LIG1: variants seen among roughly 807,000 people sequenced by gnomAD.
LIG1 encodes DNA ligase 1.
LIG1 carries 70 observed loss-of-function variants against 115.7 expected under a neutral mutation model. The observed-to-expected ratio is 0.60, with a 90% CI of 0.50 to 0.74. The LOEUF (loss-of-function observed/expected upper bound fraction) is 0.74. Among genes scored for constraint, LIG1 ranks in the 30% least tolerant of loss-of-function variants. The pLI is 0.00. For synonymous variants in LIG1, 487 were observed against 495.3 expected, an observed-to-expected ratio of 0.98 and a Z score of 0.22; for missense variants, 1,115 against 1,225.6, an observed-to-expected ratio of 0.91 and a Z score of 1.35.
At chr19:48,143,478 C>T (rs2034907684) in intron 11 of LIG1, 65 bp downstream of exon 11, 3 of 1,159,518 alleles carry the variant, frequency 2.6e-6, no homozygotes, top group African/African-American at 1.5e-5. Flanking sequence ...GCAGCACAGA[C>T]CGCCATGCAG....
At chr19:48,162,433 C>CTTT (rs781263098) in intron 2 of LIG1, 82 bp from the exon 3 acceptor site, 560 of 631,016 alleles carry the variant, frequency 8.9e-4, no homozygotes, top group Middle Eastern at 1.5e-3. Flanking sequence ...CTATAACTTC[C>CTTT]TTTTTTTTTT....
At chr19:48,128,537 C>T (rs1340162948) in intron 19 of LIG1, among the ~76,000 whole-genome samples, 2 of 152,254 alleles carry the variant, frequency 1.3e-5, no homozygotes, top group East Asian at 3.8e-4. Context: ...CCCCCTGAGC[C>T]TCTCTTCACC....
chr19:48,149,080 T>C (rs1260356814), intron 9 of LIG1, among the ~76,000 whole-genome samples: 1 of 152,048 alleles, frequency 6.6e-6, no homozygotes, highest in African/African-American at 2.4e-5. Flanking sequence ...GAGGCCGAGG[T>C]GGGTGGGTCA....
chr19:48,127,817 C>A, intron 20 of LIG1, 93 bp downstream of exon 20: 1 of 1,024,872 alleles, frequency 9.8e-7, no homozygotes, highest in Admixed American at 1.7e-5. Flanking sequence ...TGACACTCTG[C>A]CCTTCTGGGC....
chr19:48,158,263 T>A (rs147354911), intron 4 of LIG1, among the ~76,000 whole-genome samples: 5 of 152,298 alleles, frequency 3.3e-5, no homozygotes, highest in African/African-American at 1.2e-4. Flanking sequence ...TCAAATAACA[T>A]CCACTTAATG....
At chr19:48,130,151 A>G (rs183343530) in intron 19 of LIG1, among the ~76,000 whole-genome samples, 270 of 152,368 alleles carry the variant, frequency 1.8e-3, no homozygotes, top group Non-Finnish European at 4.6e-4. Context: ...CTCATCAAAC[A>G]GCATAGTGCA....
Position 48,162,933 on chromosome 19 carries a change from T to C in LIG1, c.18-582A>G, listed in dbSNP as rs554426659. Among the ~76,000 whole-genome samples the C allele has an allele frequency of 2.7e-5, 4 of 150,920 alleles. No homozygotes were observed. In the East Asian group the frequency reaches 7.9e-4, roughly 30 times the overall value. The stretch of plus-strand genomic sequence containing the variant: ...ATGCACTTTTTAAATCTTTTTTTTT[T>C]AGACAGACTCTCGCTCTGTTGCCCA... On this transcript the variant is annotated intron_variant, in intron 2 of 27. Coordinates refer to ENST00000263274, the MANE Select transcript of LIG1 (RefSeq NM_000234.3).
chr19:48,158,142 T>C (rs184534031), intron 4 of LIG1, among the ~76,000 whole-genome samples: 16 of 152,336 alleles, frequency 1.1e-4, no homozygotes, highest in African/African-American at 2.9e-4. Context: ...CTATACTTCT[T>C]GTATAGCCTG....
chr19:48,115,667 G>T lies in LIG1; in HGVS notation c.2742C>A (p.Asp914Glu), dbSNP rs1467122044. The T allele has an allele frequency of 6.2e-7, 1 of 1,613,740 alleles. No homozygotes were observed. The highest frequency in any genetic ancestry group is 1.3e-5 in the African/African-American group (1 of 74,934). The change falls in exon 28 of 28, where the codon GAC becomes GAA. Residue 914 changes from aspartate to glutamate, a missense_variant. By Grantham distance (45) the Asp-to-Glu change is conservative. Transcript: ENST00000263274. ...CGAGGGCTTAGTAGGTATCTTCAGG[G>T]TCAGAGCCTGAGTCCTCGCCTTGTT... Reference protein sequence around the residue: ...QNQQGEDSGSDPEDTY With the variant: ...QNQQGEDSGSEPEDTY
intron 24 of LIG1, chr19:48,120,189 A>C (rs1355341254): frequency 5.1e-6 from 5 of 985,368 alleles, no homozygotes; most frequent in Non-Finnish European, 6.0e-6. Context: ...AGCCGGCAAC[A>C]ACTTCCCCAC....
Position 48,136,046 on chromosome 19 carries a change from G to A in LIG1, c.1411C>T (p.Pro471Ser). Residue 471 changes from proline (P) to serine (S), a missense_variant, in exon 15 of 28, where the codon CCC becomes TCC. By Grantham distance (74) the Pro-to-Ser change is moderately conservative (BLOSUM62 -1). Transcript: ENST00000263274. ...CACAGGAGCTCACCTTGGCCCGGGG[G>A]CGTGAGGCTCACTGCCTGGGAGAGG... ...AALSQAVSLT[P>S]PGQEFPPAMV... is the part of the protein sequence containing the mutation. 3 of 1,565,922 alleles carry A rather than the reference G, an allele frequency of 1.9e-6. No individual in the cohort carries two copies. Among genetic ancestry groups the A allele is most frequent in the Non-Finnish European group, 2.6e-6 (3 of 1,155,936 alleles).
chr19:48,120,908 T>C, intron 24 of LIG1: 1 of 1,296,496 alleles, frequency 7.7e-7, no homozygotes, highest in Non-Finnish European at 9.8e-7. Context: ...AAAATTCTTT[T>C]CTTATGTGAG....
At chr19:48,153,344 G>A (rs563451779) in intron 6 of LIG1, among the ~76,000 whole-genome samples, 1 of 152,106 alleles carries the variant, frequency 6.6e-6, no homozygotes, top group East Asian at 1.9e-4. Context: ...CAAGGGTGCT[G>A]TGAACTAAGA....
intron 24 of LIG1, chr19:48,120,957 A>G (rs1258516400): frequency 7.0e-7 from 1 of 1,434,632 alleles, no homozygotes; most frequent in Non-Finnish European, 9.1e-7. Context: ...TCTCACTGAC[A>G]CACATTCCTG....
Position 48,117,779 on chromosome 19 carries a change from C to G in LIG1, c.2442G>C (p.Ala814=), listed in dbSNP as rs13436. ...AAGGGCGTGGGCTGGGCAGCACCAGCGCCTGCAGTGAGCAGAGGAAGAGAG... is the reference window on the plus strand; with the variant it reads ...AAGGGCGTGGGCTGGGCAGCACCAGGGCCTGCAGTGAGCAGAGGAAGAGAG... ...ELEEHHQSLK[A]LVLPSPRPYV... The change falls in exon 26 of 28, where the codon GCG becomes GCC. Residue 814 remains alanine (A), a splice_region_variant and synonymous_variant. Coordinates refer to ENST00000263274, the MANE Select transcript of LIG1 (RefSeq NM_000234.3). 0.44 allele frequency: 715,563 copies of G among 1,611,088 alleles called. 162,858 individuals are homozygous for G. Among genetic ancestry groups the G allele is most frequent in the East Asian group, 0.77 (34,363 of 44,808 alleles).
chr19:48,157,399 T>A (rs2035918895), intron 4 of LIG1, among the ~76,000 whole-genome samples: 2 of 152,072 alleles, frequency 1.3e-5, no homozygotes. Flanking sequence ...TGCTTCAGCC[T>A]CCCAAGTAGC....
chr19:48,154,396 A>C (rs1190975015), intron 5 of LIG1: 1 of 239,556 alleles, frequency 4.2e-6, no homozygotes, highest in South Asian at 5.7e-5. Flanking sequence ...CCCTCACCCC[A>C]CGATCGGCAG....
At chr19:48,130,405 G>A (rs1253607687) in intron 19 of LIG1, among the ~76,000 whole-genome samples, 1 of 152,190 alleles carries the variant, frequency 6.6e-6, no homozygotes, top group Non-Finnish European at 1.5e-5. Flanking sequence ...GAACAGGCAC[G>A]AGACCCCTAC....
At position 48,168,011 on chromosome 19, in the gene LIG1, T is replaced by A. The variant is rs2036573477; in HGVS notation, c.-58+2230A>T. On this transcript the variant is annotated intron_variant, in intron 1 of 27. Coordinates refer to ENST00000263274, the MANE Select transcript of LIG1 (RefSeq NM_000234.3). ...CAAAGGAGAAAACTATTACGATCCC[T>A]CCTGAGTGCTCAACTGCCTAGGTAC... 2.6e-5 allele frequency among the ~76,000 whole-genome samples: 4 copies of A among 152,058 alleles called. No homozygotes were observed. In the South Asian group the frequency reaches 8.3e-4, roughly 31 times the overall value.
Sources: gnomAD v4.1 joint callset for allele counts (sites outside exome capture counted in the v4.1 genomes callset) on GRCh38, gnomAD v4.1.1 for gene constraint, MANE v1.5 for transcripts, NCBI Gene and HGNC (gene_info 2026-07-23, HGNC 2026-07-21) for gene names.